The following TMEM178B variants were observed in gnomAD, a reference collection of about 807,000 sequenced individuals.
TMEM178B encodes the protein transmembrane protein 178B.
TMEM178B carries 5 observed loss-of-function variants against 31.0 expected under a neutral mutation model. That is an observed-to-expected ratio of 0.16 (90% CI 0.08 to 0.34). TMEM178B has a LOEUF of 0.34. TMEM178B is among the 10% of genes least tolerant of loss of function. The pLI, the probability that TMEM178B is intolerant of heterozygous loss-of-function variation, is 1.00. For synonymous variants in TMEM178B, 164 were observed against 164.0 expected, an observed-to-expected ratio of 1.00 and a Z score of 0.00; for missense variants, 275 against 400.3, an observed-to-expected ratio of 0.69 and a Z score of 2.67.
intron 1 of TMEM178B, among the ~76,000 whole-genome samples, chr7:141,209,890 A>G (rs917714530): frequency 6.6e-6 from 1 of 152,124 alleles, no homozygotes; most frequent in Admixed American, 6.5e-5. Flanking sequence ...TGGGAGGTTC[A>G]CCTAGCTGGA....
chr7:141,266,428 A>T (rs1343948478), intron 2 of TMEM178B, among the ~76,000 whole-genome samples: 3 of 152,150 alleles, frequency 2.0e-5, no homozygotes, highest in Non-Finnish European at 4.4e-5. Context: ...TCCTGAGTGT[A>T]ACTGCTTTCT....
chr7:141,155,867 C>T (rs769034844), intron 1 of TMEM178B, among the ~76,000 whole-genome samples: 8 of 152,116 alleles, frequency 5.3e-5, no homozygotes, highest in Non-Finnish European at 1.0e-4. Flanking sequence ...GAATTCGAGA[C>T]CAGCCTGGCC....
intron 2 of TMEM178B, among the ~76,000 whole-genome samples, chr7:141,230,064 T>A (rs1291492969): frequency 2.0e-5 from 3 of 152,232 alleles, no homozygotes; most frequent in Non-Finnish European, 4.4e-5. Flanking sequence ...AATTACTTCA[T>A]CATATTCTAC....
intron 2 of TMEM178B, among the ~76,000 whole-genome samples, chr7:141,220,852 G>A (rs1797246591): frequency 6.6e-6 from 1 of 152,196 alleles, no homozygotes; most frequent in Non-Finnish European, 1.5e-5. Flanking sequence ...TCATTCAATG[G>A]TTGTGGAGTG....
chr7:141,333,598 C>T (rs79427963), intron 2 of TMEM178B, among the ~76,000 whole-genome samples: 3,839 of 152,276 alleles, frequency 0.025, 60 homozygotes, highest in Middle Eastern at 0.054. Flanking sequence ...TGTGGCAGTA[C>T]AGGAGGGGTG....
chr7:141,138,213 C>G lies in TMEM178B; in HGVS notation c.382+63521C>G, dbSNP rs189577087. Among the ~76,000 whole-genome samples the G allele has an allele frequency of 7.2e-5, 11 of 152,202 alleles. No homozygotes were observed. The East Asian group carries it at 2.1e-3, about 30-fold the overall frequency. ...AATAGCTGGGACTACAGGCACCCACCACCATGCCTGGCTAATTTTTTGTAT... is the reference window on the plus strand; with the variant it reads ...AATAGCTGGGACTACAGGCACCCACGACCATGCCTGGCTAATTTTTTGTAT... On this transcript the variant is annotated intron_variant, in intron 1 of 3. Transcript: ENST00000565468.
At chr7:141,218,087 C>T (rs950054320) in intron 2 of TMEM178B, among the ~76,000 whole-genome samples, 1 of 151,976 alleles carries the variant, frequency 6.6e-6, no homozygotes, top group Non-Finnish European at 1.5e-5. Context: ...CCCCCAACCC[C>T]GCAGACACAC....
At chr7:141,386,730 C>T (rs866746225) in intron 2 of TMEM178B, among the ~76,000 whole-genome samples, 35 of 152,126 alleles carry the variant, frequency 2.3e-4, no homozygotes, top group Admixed American at 2.0e-3. Context: ...GCGTTATCTT[C>T]GGCCTGTCCT....
chr7:141,483,286 C>A (rs753200427), downstream of TMEM178B, among the ~76,000 whole-genome samples: 1 of 152,162 alleles, frequency 6.6e-6, no homozygotes, highest in Non-Finnish European at 1.5e-5. Flanking sequence ...AAACACACTT[C>A]CTGTCCACAT....
chr7:141,280,030 G>C (rs1486150454), intron 2 of TMEM178B, among the ~76,000 whole-genome samples: 1 of 152,256 alleles, frequency 6.6e-6, no homozygotes, highest in South Asian at 2.1e-4. Context: ...GGTAGGGTAA[G>C]TGGGGCCCCC....
At chr7:141,259,238 GC>G (rs1170674324) in intron 2 of TMEM178B, among the ~76,000 whole-genome samples, 1 of 152,008 alleles carries the variant, frequency 6.6e-6, no homozygotes, top group Non-Finnish European at 1.5e-5. Flanking sequence ...ACTCTTTTAA[GC>G]CTCTCTAATG....
At chr7:141,184,706 G>A (rs985809107) in intron 1 of TMEM178B, among the ~76,000 whole-genome samples, 3 of 152,054 alleles carry the variant, frequency 2.0e-5, no homozygotes, top group African/African-American at 7.3e-5. Context: ...GGAGCTTGGG[G>A]GAACTCCAAA....
intron 1 of TMEM178B, among the ~76,000 whole-genome samples, chr7:141,185,094 G>C (rs1475078887): frequency 6.6e-6 from 1 of 152,178 alleles, no homozygotes; most frequent in African/African-American, 2.4e-5. Flanking sequence ...AAGCTCTAGG[G>C]GAGCATACAG....
chr7:141,221,173 G>A (rs1387477010), intron 2 of TMEM178B, among the ~76,000 whole-genome samples: 1 of 152,216 alleles, frequency 6.6e-6, no homozygotes, highest in African/African-American at 2.4e-5. Context: ...GGAAAAGTGG[G>A]CATCATCTAG....
chr7:141,352,227 A>T (rs1268947705), intron 2 of TMEM178B: 1 of 152,392 alleles, frequency 6.6e-6, no homozygotes, highest in Non-Finnish European at 1.5e-5. Flanking sequence ...TGCAATGGAG[A>T]AGGGACCACA....
At chr7:141,233,459 A>G (rs968526236) in intron 2 of TMEM178B, among the ~76,000 whole-genome samples, 1 of 152,002 alleles carries the variant, frequency 6.6e-6, no homozygotes, top group African/African-American at 2.4e-5. Context: ...AACCTTGGAA[A>G]CCTTTCTCCA....
At chr7:141,234,112 T>G (rs1750239116) in intron 2 of TMEM178B, among the ~76,000 whole-genome samples, 1 of 152,248 alleles carries the variant, frequency 6.6e-6, no homozygotes, top group Admixed American at 6.5e-5. Flanking sequence ...TGCCTCTTGC[T>G]AGTCTACAGT....
chr7:141,205,087 A>G (rs1302980157), intron 1 of TMEM178B, among the ~76,000 whole-genome samples: 1 of 152,140 alleles, frequency 6.6e-6, no homozygotes, highest in Non-Finnish European at 1.5e-5. Flanking sequence ...TGGCCTCCCA[A>G]AGTCCTGGGA....
At chr7:141,273,765 A>G (rs1034900319) in intron 2 of TMEM178B, among the ~76,000 whole-genome samples, 3 of 152,276 alleles carry the variant, frequency 2.0e-5, no homozygotes, top group Admixed American at 6.5e-5. Flanking sequence ...ATCTCCATAC[A>G]GGCACTAGCA....
Sources: allele counts gnomAD v4.1 joint callset (sites outside exome capture counted in the v4.1 genomes callset), GRCh38; gene constraint gnomAD v4.1.1; transcripts MANE v1.5; gene names NCBI Gene and HGNC (gene_info 2026-07-23, HGNC 2026-07-21).